The following ECT2 variants were observed in gnomAD, a reference collection of about 807,000 sequenced individuals.
ECT2 encodes protein ECT2.
A neutral mutation model predicts 116.9 loss-of-function variants in ECT2; 61 were observed. The ratio of observed to expected loss-of-function variants is 0.52; its 90% CI spans 0.42 to 0.65. ECT2 has a LOEUF of 0.65. ECT2 is among the 30% of genes least tolerant of loss of function. ECT2 has a pLI of 0.00. For synonymous variants in ECT2, 358 were observed against 346.4 expected, an observed-to-expected ratio of 1.03 and a Z score of -0.37; for missense variants, 937 against 1,078.7, an observed-to-expected ratio of 0.87 and a Z score of 1.84.
chr3:172,794,523 G>A (rs1263435474), intron 18 of ECT2, among the ~76,000 whole-genome samples: 1 of 152,170 alleles, frequency 6.6e-6, no homozygotes, highest in Non-Finnish European at 1.5e-5. Context: ...AAATTGGGAA[G>A]TATGTGTCTT....
chr3:172,782,987 A>G (rs1345353677), intron 15 of ECT2, among the ~76,000 whole-genome samples: 10 of 151,948 alleles, frequency 6.6e-5, no homozygotes, highest in Admixed American at 6.6e-4. Context: ...TATTGTGAAT[A>G]TTGCTGAATT....
intron 2 of ECT2, among the ~76,000 whole-genome samples, 199 bp from the exon 3 acceptor site, chr3:172,755,096 T>C (rs1229456201): frequency 6.6e-6 from 1 of 151,642 alleles, no homozygotes; most frequent in Non-Finnish European, 1.5e-5. Flanking sequence ...CCTGCTACAA[T>C]ATGGTTTCTC....
chr3:172,769,252 C>A, intron 13 of ECT2, 109 bp downstream of exon 13: 1 of 1,086,208 alleles, frequency 9.2e-7, no homozygotes, highest in Non-Finnish European at 1.3e-6. Flanking sequence ...AGTATTTGAA[C>A]ATGGATGTTA....
intron 22 of ECT2, among the ~76,000 whole-genome samples, chr3:172,808,783 C>T (rs1048717335): frequency 1.3e-5 from 2 of 152,084 alleles, no homozygotes; most frequent in African/African-American, 4.8e-5. Flanking sequence ...CATGTAATTA[C>T]AGTTAAGTGT....
At chr3:172,754,806 C>T (rs1238490316) in intron 2 of ECT2, 146 bp downstream of exon 2, 2 of 647,124 alleles carry the variant, frequency 3.1e-6, no homozygotes, top group African/African-American at 3.7e-5. Context: ...TCCTTTTACA[C>T]TATGTCATTT....
At chr3:172,767,510 A>G (rs1436118521) in intron 12 of ECT2, among the ~76,000 whole-genome samples, 4 of 152,130 alleles carry the variant, frequency 2.6e-5, no homozygotes, top group Admixed American at 2.0e-4. Context: ...ATTGTTTATC[A>G]TTGAGTAAAA....
Position 172,758,980 on chromosome 3 carries a change from C to G in ECT2, c.487C>G (p.Pro163Ala). The G allele has an allele frequency of 1.9e-6, 3 of 1,607,810 alleles. No homozygotes were observed. Among genetic ancestry groups the G allele is most frequent in the African/African-American group, 1.3e-5 (1 of 74,716 alleles). ...VVLNCSQKGE[P>A]LPFSCRPLYC... The stretch of plus-strand genomic sequence containing the variant: ...CATTTAAAATTGTTGTATCCTTCAG[C>G]CTTTGCCATTTTCATGTCGCCCGTT... The change falls in exon 6 of 25, where the codon CCT (proline) becomes GCT (alanine). Residue 163 changes from proline (P) to alanine (A), a missense_variant and splice_region_variant. Physicochemically the swap from Pro to Ala is conservative, Grantham distance 27. Coordinates refer to ENST00000392692, the MANE Select transcript of ECT2 (RefSeq NM_001258315.2).
chr3:172,780,361 T>G (rs1722482319), intron 14 of ECT2, among the ~76,000 whole-genome samples: 1 of 152,152 alleles, frequency 6.6e-6, no homozygotes, highest in Admixed American at 6.6e-5. Flanking sequence ...TGATAGACAT[T>G]TAGATTGTTT....
intron 18 of ECT2, among the ~76,000 whole-genome samples, chr3:172,793,976 TTA>T (rs1725160763): frequency 6.6e-6 from 1 of 152,208 alleles, no homozygotes; most frequent in Non-Finnish European, 1.5e-5. Flanking sequence ...TGAGAGTTCT[TTA>T]TATATTCGAG....
chr3:172,807,875 T>A lies in ECT2; in HGVS notation c.2351T>A (p.Leu784Gln), dbSNP rs1185362298. The A allele has an allele frequency of 6.2e-7, 1 of 1,613,836 alleles. No homozygotes were observed. The highest frequency in any genetic ancestry group is 8.5e-7 in the Non-Finnish European group (1 of 1,179,872). Residue 784 changes from leucine (L) to glutamine (Q), a missense_variant, in exon 22 of 25, where the codon CTA becomes CAA. Leu to Gln is a moderately radical substitution (Grantham distance 113, BLOSUM62 -2). Transcript: ENST00000392692. ...GATGAACTTCCAAAAGAAAACTGGC[T>A]AAAGATGCTGTGTCGACATGTAGCT... ...TSDELPKENW[L>Q]KMLCRHVANT...
intron 18 of ECT2, among the ~76,000 whole-genome samples, chr3:172,793,437 G>C (rs1374358769): frequency 2.0e-5 from 3 of 151,682 alleles, no homozygotes; most frequent in Admixed American, 1.3e-4. Flanking sequence ...ACAGGCGTGA[G>C]CCCCCGCGCC....
At chr3:172,775,310 T>G (rs1174868294) in intron 14 of ECT2, among the ~76,000 whole-genome samples, 4 of 152,196 alleles carry the variant, frequency 2.6e-5, no homozygotes, top group African/African-American at 9.6e-5. Context: ...TATATAAGAT[T>G]GTTTTTTATT....
In ECT2 at chr3:172,798,403, T is replaced by C. The variant is rs114990578; in HGVS notation, c.1908-4213T>C. Among the ~76,000 whole-genome samples, 933 of 152,292 alleles carry C rather than the reference T, an allele frequency of 6.1e-3. 9 individuals carry two copies. Among genetic ancestry groups the C allele is most frequent in the African/African-American group, 0.021 (862 of 41,570 alleles). ...AAAAACATAATCATGAAAATGATTC[T>C]ATCCAACAAGTGCCCTAAAGTCAAG... On this transcript the variant is annotated intron_variant, in intron 18 of 24. Transcript: ENST00000392692.
chr3:172,805,908 G>A (rs776335433), intron 21 of ECT2, 39 bp downstream of exon 21: 3 of 1,586,196 alleles, frequency 1.9e-6, no homozygotes, highest in Non-Finnish European at 2.6e-6. Context: ...TATAAAAATA[G>A]TTTATATTCA....
rs750712714 is a variant in ECT2 at position 172,784,734 on chromosome 3, C to T, written c.1756C>T (p.Arg586Trp). ...AAACCAAGCAAAACCAGAATGTGGA[C>T]GGCAGAGCCTTGTTGAACTTCTTAT... ...KINQAKPECG[R>W]QSLVELLIRP... Residue 586 changes from arginine to tryptophan, a missense_variant, in exon 17 of 25, where the codon CGG (arginine) becomes TGG (tryptophan). Arg to Trp is a moderately radical substitution (Grantham distance 101). Transcript: ENST00000392692. 15 of 1,613,462 alleles carry T rather than the reference C, an allele frequency of 9.3e-6. No homozygotes were observed. Among genetic ancestry groups the T allele is most frequent in the Admixed American group, 1.7e-5 (1 of 59,992 alleles).
intron 22 of ECT2, among the ~76,000 whole-genome samples, chr3:172,814,011 TAACTC>T (rs1285097887): frequency 6.6e-5 from 10 of 152,128 alleles, no homozygotes; most frequent in African/African-American, 2.4e-5. Context: ...GAATTTTTCT[TAACTC>T]AAAAAGTAAC....
rs1425185577 is a variant in ECT2, at chr3:172,809,737, AAATAAGCACAACT to A, written c.2400+1828_2400+1840del. ...CTGAGCTTTCTTAATTAAAAGAGTA[AAATAAGCACAACT>A]AATAAGCACAACTATTTTATTCTAT... On this transcript the variant is annotated intron_variant, in intron 22 of 24. Transcript: ENST00000392692. Among the ~76,000 whole-genome samples, 375 of 152,216 alleles carry A rather than the reference AAATAAGCACAACT, an allele frequency of 2.5e-3. 2 individuals carry two copies. Among genetic ancestry groups the A allele is most frequent in the African/African-American group, 8.7e-3 (360 of 41,558 alleles).
intron 1 of ECT2, among the ~76,000 whole-genome samples, chr3:172,753,085 A>T (rs980361676): frequency 5.9e-5 from 9 of 152,132 alleles, no homozygotes; most frequent in Admixed American, 2.0e-4. Flanking sequence ...GAAAATTGAT[A>T]AAAAAATCTC....
rs373412454 is a variant in ECT2, at chr3:172,759,752, C to G, written c.577-404C>G. On this transcript the variant is annotated intron_variant, in intron 6 of 24. Coordinates refer to ENST00000392692, the MANE Select transcript of ECT2 (RefSeq NM_001258315.2). ...AGCCACCGCGCCCGGCCAGAAAGTT[C>G]TTTCTTTGGTTCACAATACTTTGTT... 3.0e-4 allele frequency among the ~76,000 whole-genome samples: 46 copies of G among 152,158 alleles called. No individual in the cohort carries two copies. In the South Asian group the frequency reaches 3.9e-3, roughly 13 times the overall value.
Sources: allele counts gnomAD v4.1 joint callset (sites outside exome capture counted in the v4.1 genomes callset), GRCh38; gene constraint gnomAD v4.1.1; transcripts MANE v1.5; gene names NCBI Gene and HGNC (gene_info 2026-07-23, HGNC 2026-07-21).